Variants in ABCD3 observed in about 807,000 individuals in gnomAD.
ABCD3 encodes ATP-binding cassette sub-family D member 3.
ABCD3 carries 41 observed loss-of-function variants against 105.5 expected under a neutral mutation model. The observed-to-expected ratio is 0.39, with a 90% CI of 0.30 to 0.50. The LOEUF is 0.50. Ranked by LOEUF, ABCD3 falls within the 20% of genes least tolerant of loss-of-function variation. The probability of loss-of-function intolerance (pLI) is 0.84; values close to 1 mark genes in which losing one functional copy is unlikely to be tolerated. For synonymous variants in ABCD3, 258 were observed against 269.0 expected (o/e 0.96, Z 0.40); for missense variants, 622 against 806.3 (o/e 0.77, Z 2.77).
At chr1:94,428,936 C>T (rs907915038) in intron 1 of ABCD3, among the ~76,000 whole-genome samples, 5 of 152,038 alleles carry the variant, frequency 3.3e-5, no homozygotes, top group Non-Finnish European at 7.4e-5. Context: ...TTGGATGGCT[C>T]AGAAGAAGAT....
At chr1:94,450,941 A>G (rs1264029959) in intron 1 of ABCD3, among the ~76,000 whole-genome samples, 1 of 152,232 alleles carries the variant, frequency 6.6e-6, no homozygotes, top group Non-Finnish European at 1.5e-5. Context: ...ACTTTAGAAT[A>G]CTACCTTCAT....
intron 1 of ABCD3, among the ~76,000 whole-genome samples, chr1:94,431,197 G>C (rs963650349): frequency 6.6e-6 from 1 of 152,154 alleles, no homozygotes; most frequent in African/African-American, 2.4e-5. Context: ...GTTTATCTTG[G>C]AGGTGTGGCT....
intron 15 of ABCD3, among the ~76,000 whole-genome samples, chr1:94,490,216 C>G (rs952983766): frequency 1.3e-5 from 2 of 151,898 alleles, no homozygotes; most frequent in African/African-American, 4.8e-5. Context: ...TACCTATCGC[C>G]TCTACATAGT....
At chr1:94,385,893 G>GA in the ABCD3 span, among the ~76,000 whole-genome samples, 20 of 149,718 alleles carry the variant, frequency 1.3e-4, no homozygotes, top group Admixed American at 2.7e-4. Context: ...TCTTAACCAT[G>GA]AAAAAAAAAT....
intron 2 of ABCD3, among the ~76,000 whole-genome samples, chr1:94,462,569 C>T (rs377149897): frequency 3.9e-5 from 6 of 152,238 alleles, no homozygotes; most frequent in African/African-American, 1.4e-4. Context: ...GGGAAAGTGA[C>T]AATAGGAACA....
chr1:94,428,013 T>C (rs181655194), intron 1 of ABCD3, among the ~76,000 whole-genome samples: 84 of 152,222 alleles, frequency 5.5e-4, no homozygotes, highest in African/African-American at 1.8e-3. Flanking sequence ...GGAACTATTA[T>C]AAATATTAAG....
chr1:94,505,753 G>A (rs1218208057), intron 20 of ABCD3, among the ~76,000 whole-genome samples: 1 of 152,026 alleles, frequency 6.6e-6, no homozygotes, highest in Non-Finnish European at 1.5e-5. Context: ...AGGAAACTTA[G>A]GTGCATGGTT....
chr1:94,434,272 G>C (rs949752765), intron 1 of ABCD3, among the ~76,000 whole-genome samples: 1 of 152,186 alleles, frequency 6.6e-6, no homozygotes, highest in Non-Finnish European at 1.5e-5. Context: ...GTGTGGAGCT[G>C]TCATTCATAT....
chr1:94,411,618 A>T, the ABCD3 span, among the ~76,000 whole-genome samples: 1 of 152,342 alleles, frequency 6.6e-6, no homozygotes, highest in Non-Finnish European at 1.5e-5. Context: ...GTTTAAACTA[A>T]AAAGTTAAAC....
intron 7 of ABCD3, 125 bp downstream of exon 7, chr1:94,475,862 G>T: frequency 5.4e-6 from 4 of 742,602 alleles, no homozygotes; most frequent in Non-Finnish European, 6.4e-6. Context: ...GCTTTTATAA[G>T]AAAATTAGAG....
intron 1 of ABCD3, among the ~76,000 whole-genome samples, chr1:94,454,852 A>G (rs981683066): frequency 2.0e-5 from 3 of 152,096 alleles, no homozygotes; most frequent in Non-Finnish European, 2.9e-5. Context: ...GGGTTTTGCC[A>G]TGTTGGCCAG....
intron 20 of ABCD3, among the ~76,000 whole-genome samples, chr1:94,502,790 G>A (rs556138053): frequency 1.3e-5 from 2 of 152,186 alleles, no homozygotes; most frequent in African/African-American, 4.8e-5. Context: ...GTGAGCCGCC[G>A]CGCCCCATTT....
At chr1:94,392,658 G>A in the ABCD3 span, among the ~76,000 whole-genome samples, 16 of 152,150 alleles carry the variant, frequency 1.1e-4, no homozygotes, top group East Asian at 1.9e-4. Flanking sequence ...CCAATGATGC[G>A]GGTTCAATGG....
At chr1:94,489,052 T>C (rs1203642117) in intron 13 of ABCD3, among the ~76,000 whole-genome samples, 1 of 152,114 alleles carries the variant, frequency 6.6e-6, no homozygotes, top group Non-Finnish European at 1.5e-5. Context: ...CAAAGTTTGC[T>C]TTAGGAGGTT....
the ABCD3 span, among the ~76,000 whole-genome samples, chr1:94,387,528 C>T: frequency 6.6e-6 from 1 of 152,190 alleles, no homozygotes; most frequent in Non-Finnish European, 1.5e-5. Context: ...CCAAACTCTT[C>T]TATTATGAAG....
intron 16 of ABCD3, 70 bp downstream of exon 16, chr1:94,491,317 A>G: frequency 1.7e-6 from 2 of 1,191,428 alleles, no homozygotes; most frequent in South Asian, 2.5e-5. Context: ...GATTACCTGA[A>G]TATTTAAAGT....
chr1:94,425,960 G>A (rs1659450762), intron 1 of ABCD3, among the ~76,000 whole-genome samples: 1 of 152,160 alleles, frequency 6.6e-6, no homozygotes, highest in Non-Finnish European at 1.5e-5. Context: ...CAGTAGAACA[G>A]GGATAGTAGT....
chr1:94,495,939 A>T (rs980500545), intron 16 of ABCD3, among the ~76,000 whole-genome samples: 4 of 152,206 alleles, frequency 2.6e-5, no homozygotes, highest in African/African-American at 9.6e-5. Flanking sequence ...TGTGTTATTT[A>T]AAAAGAAGTC....
chr1:94,475,480 C>A, intron 6 of ABCD3, 134 bp from the exon 7 acceptor site: 2 of 927,240 alleles, frequency 2.2e-6, no homozygotes, highest in East Asian at 5.1e-5. Context: ...TTAGGGCAAT[C>A]AATAGGATCT....
Sources: allele counts gnomAD v4.1 joint callset (sites outside exome capture counted in the v4.1 genomes callset), GRCh38; gene constraint gnomAD v4.1.1; transcripts MANE v1.5; gene names NCBI Gene and HGNC (gene_info 2026-07-23, HGNC 2026-07-21).